AIPL1: variants seen among roughly 807,000 people sequenced by gnomAD.
AIPL1 encodes AIP like 1 HSP90 co-chaperone.
A neutral mutation model predicts 32.9 loss-of-function variants in AIPL1; 23 were observed. The ratio of observed to expected loss-of-function variants is 0.70; its 90% CI spans 0.50 to 0.99. The LOEUF is 0.99. Among genes scored for constraint, AIPL1 ranks in the 50% least tolerant of loss-of-function variants. The pLI is 0.00. For synonymous variants in AIPL1, 210 were observed against 209.4 expected, an observed-to-expected ratio of 1.00 and a Z score of -0.02; for missense variants, 485 against 506.0, an observed-to-expected ratio of 0.96 and a Z score of 0.40.
chr17:6,430,471 A>C (rs539250104), intron 2 of AIPL1, among the ~76,000 whole-genome samples: 100 of 150,722 alleles, frequency 6.6e-4, no homozygotes, highest in Non-Finnish European at 4.0e-4. Flanking sequence ...AAAAAAAAAA[A>C]AAAAAAAAAC....
At chr17:6,428,557 G>A (rs1383715465) in intron 2 of AIPL1, 51 bp from the exon 3 acceptor site, 2 of 1,582,188 alleles carry the variant, frequency 1.3e-6, no homozygotes, top group Non-Finnish European at 1.7e-6. Context: ...CCAGAGCTAG[G>A]TGGGCCATAA....
chr17:6,426,437 A>G, intron 5 of AIPL1, 178 bp downstream of exon 5: 1 of 1,465,794 alleles, frequency 6.8e-7, no homozygotes, highest in South Asian at 1.4e-5. Flanking sequence ...GCCCCGCGCC[A>G]AGCACTGCCC....
At chr17:6,428,185 T>C in intron 3 of AIPL1, 133 bp downstream of exon 3, 1 of 1,040,096 alleles carries the variant, frequency 9.6e-7, no homozygotes, top group Non-Finnish European at 1.4e-6. Context: ...TCCCATGGCT[T>C]ATGAACCCTC....
chr17:6,426,783 C>T, intron 4 of AIPL1, 27 bp from the exon 5 acceptor site: 1 of 1,612,982 alleles, frequency 6.2e-7, no homozygotes, highest in East Asian at 2.2e-5. Flanking sequence ...TCAGCCATGA[C>T]CTCAGGCAGC....
rs756280502 is a variant in AIPL1 at position 6,426,760 on chromosome 17, C to A, written c.643-4G>T. ...ACTGCACCTCCCATGGCTTCTCCTG[C>A]CCAGGGAGAAGGTCAGCCATGACCT... On this transcript the variant is annotated splice_polypyrimidine_tract_variant and splice_region_variant and intron_variant, in intron 4 of 5. Transcript: ENST00000381129. 5 of 1,613,238 alleles carry A rather than the reference C, an allele frequency of 3.1e-6. No homozygotes were observed. The highest frequency in any genetic ancestry group is 2.7e-5 in the African/African-American group (2 of 74,924).
In AIPL1 at chr17:6,426,652, C is replaced by A; in HGVS notation, c.747G>T (p.Val249=). 1 of 1,614,210 alleles carries A rather than the reference C, an allele frequency of 6.2e-7. No individual in the cohort carries two copies. Among genetic ancestry groups the A allele is most frequent in the East Asian group, 2.2e-5 (1 of 44,884 alleles). Residue 249 remains valine, a synonymous_variant, in exon 5 of 6, where the codon GTG becomes GTT. Transcript: ENST00000381129. ...CLLKKEEYYE[V]LEHTSDILRH... is the part of the protein sequence containing the mutation. Reference sequence around the variant, plus strand: ...GGAGAATATCACTGGTGTGCTCCAGCACCTCATAGTACTCCTCCTTCTTCA... The same window carrying A: ...GGAGAATATCACTGGTGTGCTCCAGAACCTCATAGTACTCCTCCTTCTTCA...
At chr17:6,430,783 T>C (rs889161526) in intron 2 of AIPL1, among the ~76,000 whole-genome samples, 5 of 152,344 alleles carry the variant, frequency 3.3e-5, no homozygotes, top group African/African-American at 9.6e-5. Flanking sequence ...TCAATAGATA[T>C]ATTTTTAAAC....
At chr17:6,434,263 C>T (rs983890423) in intron 1 of AIPL1, among the ~76,000 whole-genome samples, 165 bp from the exon 2 acceptor site, 1 of 151,772 alleles carries the variant, frequency 6.6e-6, no homozygotes, top group Non-Finnish European at 1.5e-5. Context: ...CCTGCACCCC[C>T]CAGGGAGGAG....
Position 6,426,628 on chromosome 17 carries a change from G to A in AIPL1, c.771C>T (p.Leu257=), listed in dbSNP as rs781449220. The A allele has an allele frequency of 3.1e-6, 5 of 1,614,038 alleles. No individual in the cohort carries two copies. The highest frequency in any genetic ancestry group is 4.2e-6 in the Non-Finnish European group (5 of 1,180,008). Residue 257 remains leucine, a synonymous_variant, in exon 5 of 6, where the codon CTC becomes CTT. Coordinates refer to ENST00000381129, the MANE Select transcript of AIPL1 (RefSeq NM_014336.5). ...AGCCCCGCGCACCTGGGTGGTGCCG[G>A]AGAATATCACTGGTGTGCTCCAGCA... ...YEVLEHTSDI[L]RHHPGIVKAY... is the part of the protein sequence containing the mutation.
chr17:6,428,593 G>A, intron 2 of AIPL1, 87 bp from the exon 3 acceptor site: 1 of 1,305,772 alleles, frequency 7.7e-7, no homozygotes, highest in Non-Finnish European at 1.1e-6. Context: ...AGCCCCTCCT[G>A]GGAGGAATCC....
chr17:6,425,720 T>C lies in AIPL1; in HGVS notation c.895A>G (p.Lys299Glu). 1.9e-6 allele frequency: 3 copies of C among 1,607,970 alleles called. No homozygotes were observed. Among genetic ancestry groups the C allele is most frequent in the Non-Finnish European group, 2.5e-6 (3 of 1,179,992 alleles). Reference sequence around the variant, plus strand: ...AGCCTCAGCTCCCTGCGCACCGCCTTCTGCATGGACGGCTCCAGCTCCAGC... The same window carrying C: ...AGCCTCAGCTCCCTGCGCACCGCCTCCTGCATGGACGGCTCCAGCTCCAGC... ...KVLELEPSMQ[K>E]AVRRELRLLE... Residue 299 changes from lysine to glutamate, a missense_variant, in exon 6 of 6, where the codon AAG (lysine) becomes GAG (glutamate). Lys to Glu is a moderately conservative substitution (Grantham distance 56). Transcript: ENST00000381129.
intron 2 of AIPL1, among the ~76,000 whole-genome samples, chr17:6,429,940 A>T (rs1479031386): frequency 6.6e-6 from 1 of 152,152 alleles, no homozygotes; most frequent in African/African-American, 2.4e-5. Flanking sequence ...AGACTGGATT[A>T]TGAATGAAGA....
At chr17:6,428,529 G>T in intron 2 of AIPL1, 23 bp from the exon 3 acceptor site, 1 of 1,609,630 alleles carries the variant, frequency 6.2e-7, no homozygotes, top group Non-Finnish European at 8.5e-7. Context: ...ACGGATGGAT[G>T]GCATCCAGGC....
chr17:6,427,808 GA>G (rs1438320362), intron 3 of AIPL1, among the ~76,000 whole-genome samples: 10 of 122,274 alleles, frequency 8.2e-5, no homozygotes, highest in African/African-American at 2.5e-4. Flanking sequence ...GTTCCAAGTG[GA>G]CTTTTTTTTT....
At chr17:6,430,142 G>C (rs74812306) in intron 2 of AIPL1, among the ~76,000 whole-genome samples, 3 of 151,854 alleles carry the variant, frequency 2.0e-5, no homozygotes, top group Admixed American at 2.0e-4. Flanking sequence ...GGAGATGTGC[G>C]GGGCATGGAG....
rs1442681009 is a variant in AIPL1 at position 6,434,023 on chromosome 17, G to T, written c.172C>A (p.Pro58Thr). The T allele has an allele frequency of 6.2e-7, 1 of 1,613,990 alleles. No individual in the cohort carries two copies. Among genetic ancestry groups the T allele is most frequent in the Non-Finnish European group, 8.5e-7 (1 of 1,180,018 alleles). The change falls in exon 2 of 6, where the codon CCC (proline) becomes ACC (threonine). Residue 58 changes from proline (P) to threonine (T), a missense_variant. Coordinates refer to ENST00000381129, the MANE Select transcript of AIPL1 (RefSeq NM_014336.5). ...VIDDSRQVGQ[P>T]MHIIIGNMFK... is the part of the protein sequence containing the mutation. Reference sequence around the variant, plus strand: ...ATGTTTCCGATGATGATGTGCATGGGCTGGCCCACCTGCCGACTGTCGTCA... The same window carrying T: ...ATGTTTCCGATGATGATGTGCATGGTCTGGCCCACCTGCCGACTGTCGTCA...
At chr17:6,432,978 G>A (rs1912758073) in intron 2 of AIPL1, among the ~76,000 whole-genome samples, 1 of 152,154 alleles carries the variant, frequency 6.6e-6, no homozygotes, top group Non-Finnish European at 1.5e-5. Flanking sequence ...GTTTAACCAC[G>A]CAGGACAAGG....
intron 2 of AIPL1, among the ~76,000 whole-genome samples, chr17:6,431,955 A>T (rs1056695629): frequency 2.0e-5 from 3 of 152,236 alleles, no homozygotes; most frequent in African/African-American, 7.2e-5. Flanking sequence ...CCCACTTTCA[A>T]TTTATCAAAA....
At chr17:6,428,586 C>T in intron 2 of AIPL1, 80 bp from the exon 3 acceptor site, 1 of 1,383,036 alleles carries the variant, frequency 7.2e-7, no homozygotes, top group Non-Finnish European at 1.0e-6. Context: ...CACTCAGAGC[C>T]CCTCCTGGGA....
Sources: allele counts gnomAD v4.1 joint callset (sites outside exome capture counted in the v4.1 genomes callset), GRCh38; gene constraint gnomAD v4.1.1; transcripts MANE v1.5; gene names NCBI Gene and HGNC (gene_info 2026-07-23, HGNC 2026-07-21).